CYRIA: variants seen among roughly 807,000 people sequenced by gnomAD.
CYRIA encodes the protein CYFIP related Rac1 interactor A, also known as CYFIP-related Rac1 interactor A.
CYRIA carries 15 observed loss-of-function variants against 43.9 expected under a neutral mutation model. The ratio of observed to expected loss-of-function variants is 0.34; its 90% CI spans 0.23 to 0.53. CYRIA has a LOEUF of 0.53. CYRIA is among the 20% of genes least tolerant of loss of function. CYRIA has a pLI of 0.94. For synonymous variants in CYRIA, 117 were observed against 136.0 expected (o/e 0.86, Z 0.97); for missense variants, 236 against 394.2 (o/e 0.60, Z 3.40).
chr2:16,630,035 G>A (rs538463792), intron 1 of CYRIA, among the ~76,000 whole-genome samples: 86 of 152,258 alleles, frequency 5.6e-4, no homozygotes, highest in African/African-American at 1.8e-3. Flanking sequence ...AGGCCAACAC[G>A]CCGGTGATGA....
chr2:16,618,302 T>C (rs567014715), intron 2 of CYRIA, among the ~76,000 whole-genome samples: 3 of 152,206 alleles, frequency 2.0e-5, no homozygotes, highest in African/African-American at 7.2e-5. Context: ...TTTCTCTTTT[T>C]AAACAATCCT....
chr2:16,587,574 G>A (rs1280796978), intron 3 of CYRIA, among the ~76,000 whole-genome samples: 2 of 152,000 alleles, frequency 1.3e-5, no homozygotes, highest in East Asian at 3.9e-4. Context: ...AAAAAAAAAT[G>A]CATAGTGACT....
In CYRIA at chr2:16,551,456, A is replaced by G. The variant is rs1378054469; in HGVS notation, c.*1480T>C. 3.3e-5 allele frequency: 5 copies of G among 152,208 alleles called. No individual in the cohort carries two copies. Among genetic ancestry groups the G allele is most frequent in the Non-Finnish European group, 7.3e-5 (5 of 68,046 alleles). The allele number at this position is 152,208 out of a possible 1,614,324, so 9.4% of individuals were successfully genotyped here. A position where few individuals can be genotyped will look rare whatever the true frequency, so the allele number is the denominator to read the frequency against. On this transcript the variant is annotated 3_prime_UTR_variant, in exon 12 of 12. Transcript: ENST00000381323. ...CATCCCATAGTATGTATTCACAGCC[A>G]CATGGTATAAAAGGAAGAGCATGGA... is the stretch of plus-strand genomic sequence containing the variant.
intron 3 of CYRIA, among the ~76,000 whole-genome samples, chr2:16,579,285 T>C (rs1667463353): frequency 6.7e-6 from 1 of 149,710 alleles, no homozygotes. Context: ...AAAAGAAACA[T>C]TAAAATAAGT....
intron 3 of CYRIA, among the ~76,000 whole-genome samples, chr2:16,575,439 A>T (rs530469261): frequency 1.3e-5 from 2 of 152,272 alleles, no homozygotes; most frequent in African/African-American, 4.8e-5. Context: ...CCCAAATCTC[A>T]TCTTGAATTC....
At chr2:16,663,061 C>A (rs1052852211) in intron 1 of CYRIA, among the ~76,000 whole-genome samples, 5 of 152,188 alleles carry the variant, frequency 3.3e-5, no homozygotes, top group African/African-American at 1.2e-4. Context: ...ATGCCTCTAA[C>A]CCTGAGATTT....
rs147127010 is a variant in CYRIA at position 16,626,948 on chromosome 2, C to T, written c.-166-2929G>A. Among the ~76,000 whole-genome samples, 1,127 of 152,242 alleles carry T rather than the reference C, an allele frequency of 7.4e-3. 16 individuals are homozygous for T. The highest frequency in any genetic ancestry group is 0.026 in the African/African-American group (1,063 of 41,540). On this transcript the variant is annotated intron_variant, in intron 1 of 11. Transcript: ENST00000381323. ...TTTTCATCTTTGCTCATTTTGAGAG[C>T]GGTACAAAGCTGAGGGGTAATCACC...
chr2:16,659,397 T>C (rs1486517758), intron 1 of CYRIA, among the ~76,000 whole-genome samples: 1 of 152,216 alleles, frequency 6.6e-6, no homozygotes, highest in Non-Finnish European at 1.5e-5. Flanking sequence ...ATGGGGATAA[T>C]ATCTGTTTCA....
intron 1 of CYRIA, among the ~76,000 whole-genome samples, chr2:16,641,774 T>C (rs142184306): frequency 5.1e-4 from 78 of 152,304 alleles, no homozygotes; most frequent in African/African-American, 1.8e-3. Flanking sequence ...GATCATGCCA[T>C]GATGGCATGC....
intron 9 of CYRIA, 117 bp from the exon 10 acceptor site, chr2:16,559,703 T>C (rs2103408245): frequency 1.8e-6 from 2 of 1,127,724 alleles, no homozygotes; most frequent in South Asian, 1.8e-5. Context: ...ATCCCAGACC[T>C]GCAACAACCA....
chr2:16,617,449 G>A (rs1047209505), intron 2 of CYRIA, among the ~76,000 whole-genome samples: 5 of 152,238 alleles, frequency 3.3e-5, no homozygotes, highest in African/African-American at 7.2e-5. Flanking sequence ...CTGCCAAGCC[G>A]GTTCTCCTAG....
intron 2 of CYRIA, among the ~76,000 whole-genome samples, chr2:16,609,118 T>C (rs1276606043): frequency 6.6e-6 from 1 of 152,216 alleles, no homozygotes; most frequent in Non-Finnish European, 1.5e-5. Context: ...CCTCGCGGAT[T>C]TCCTGCCAAG....
intron 2 of CYRIA, among the ~76,000 whole-genome samples, chr2:16,591,656 G>T (rs115378661): frequency 6.6e-6 from 1 of 152,066 alleles, no homozygotes; most frequent in South Asian, 2.1e-4. Flanking sequence ...TGTTTCCATG[G>T]ATACCCTCTT....
At chr2:16,661,064 C>A (rs1670239889) in intron 1 of CYRIA, among the ~76,000 whole-genome samples, 1 of 152,196 alleles carries the variant, frequency 6.6e-6, no homozygotes, top group Non-Finnish European at 1.5e-5. Flanking sequence ...GGAAGGACTG[C>A]TTGAGCCCAG....
intron 2 of CYRIA, among the ~76,000 whole-genome samples, chr2:16,600,290 T>C (rs936879751): frequency 6.6e-6 from 1 of 152,240 alleles, no homozygotes; most frequent in Non-Finnish European, 1.5e-5. Flanking sequence ...ATCTGCTTTA[T>C]CTTCCTCAAC....
chr2:16,613,692 C>A (rs964549417), intron 2 of CYRIA, among the ~76,000 whole-genome samples: 4 of 152,198 alleles, frequency 2.6e-5, no homozygotes, highest in African/African-American at 9.7e-5. Flanking sequence ...CAGGTAGGTA[C>A]CGAACACAAA....
intron 1 of CYRIA, among the ~76,000 whole-genome samples, chr2:16,638,165 G>A (rs1241259133): frequency 6.6e-6 from 1 of 152,184 alleles, no homozygotes; most frequent in Non-Finnish European, 1.5e-5. Flanking sequence ...CAGTAAGAAG[G>A]AGAAGGAATC....
intron 2 of CYRIA, among the ~76,000 whole-genome samples, chr2:16,617,320 C>T (rs1572510841): frequency 6.6e-6 from 1 of 152,218 alleles, no homozygotes; most frequent in Admixed American, 6.5e-5. Context: ...CTGGCCCCAA[C>T]CCCCGGACTC....
chr2:16,610,897 C>CATTATATATATATAT (rs1668569337), intron 2 of CYRIA, among the ~76,000 whole-genome samples: 1 of 92,556 alleles, frequency 1.1e-5, no homozygotes, highest in South Asian at 3.6e-4. Flanking sequence ...TTAGTCCCAA[C>CATTATATATATATAT]ATATATATAT....
Sources: allele counts gnomAD v4.1 joint callset (sites outside exome capture counted in the v4.1 genomes callset), GRCh38; gene constraint gnomAD v4.1.1; transcripts MANE v1.5; gene names NCBI Gene and HGNC (gene_info 2026-07-23, HGNC 2026-07-21).